The following FCAMR variants were observed in gnomAD, a reference collection of about 807,000 sequenced individuals.
FCAMR encodes high affinity immunoglobulin alpha and immunoglobulin mu Fc receptor.
In FCAMR, 51 loss-of-function variants were observed where a neutral mutation model predicts 52.2. That is an observed-to-expected ratio of 0.98 (90% confidence interval 0.78 to 1.23). FCAMR has a LOEUF of 1.23. Ranked by LOEUF, FCAMR falls within the 50% of genes most tolerant of loss-of-function variation. The pLI, the probability that FCAMR is intolerant of heterozygous loss-of-function variation, is 0.00. For missense variants in FCAMR, 719 were observed against 712.6 expected (o/e 1.01, Z -0.10); for synonymous variants, 282 against 262.0 (o/e 1.08, Z -0.74).
intron 1 of FCAMR, 127 bp from the exon 2 acceptor site, chr1:206,967,778 A>G: frequency 1.2e-6 from 1 of 807,998 alleles, no homozygotes; most frequent in Non-Finnish European, 2.0e-6. Context: ...CTAGGGTGCT[A>G]TTCTGTTTCT....
chr1:206,962,130 C>T, intron 5 of FCAMR, 83 bp downstream of exon 5: 1 of 1,385,144 alleles, frequency 7.2e-7, no homozygotes, highest in Non-Finnish European at 1.0e-6. Flanking sequence ...TCAAGCCCTT[C>T]TGGGTCTCTG....
chr1:206,962,063 C>G, intron 5 of FCAMR, 150 bp downstream of exon 5: 1 of 782,422 alleles, frequency 1.3e-6, no homozygotes, highest in Non-Finnish European at 2.0e-6. Context: ...GAAATGAAAG[C>G]CTACTTCTTA....
intron 7 of FCAMR, 72 bp downstream of exon 7, chr1:206,959,607 C>T: frequency 8.1e-7 from 1 of 1,238,996 alleles, no homozygotes. Context: ...AGGACTCTAC[C>T]CCTACCCAGC....
Position 206,965,874 on chromosome 1 carries a change from G to T in FCAMR, c.170-16C>A. The T allele has an allele frequency of 6.2e-7, 1 of 1,608,388 alleles. No individual in the cohort carries two copies. Among genetic ancestry groups the T allele is most frequent in the Admixed American group, 1.7e-5 (1 of 59,176 alleles). ...AAAGAAGAACCTGCAGCAAAGGAAG[G>T]AGATGGGTCATCAGGGGGCCATCCA... is the stretch of plus-strand genomic sequence containing the variant. On this transcript the variant is annotated splice_polypyrimidine_tract_variant and intron_variant, in intron 3 of 7. Transcript: ENST00000324852.
chr1:206,967,689 A>G lies in FCAMR; in HGVS notation c.40-38T>C, dbSNP rs1680770302. 3.7e-6 allele frequency: 6 copies of G among 1,600,490 alleles called. No homozygotes were observed. The African/African-American group carries it at 6.7e-5, about 18-fold the overall frequency. On this transcript the variant is annotated intron_variant, in intron 1 of 7. Coordinates refer to ENST00000324852, the MANE Select transcript of FCAMR (RefSeq NM_001170631.2). The stretch of plus-strand genomic sequence containing the variant: ...GGGGAATTGGTTTTTTCAAGGGAAG[A>G]TTTCTGTTTCACTGTTAGTATGCCT...
At chr1:206,961,704 A>G (rs1680514858) in intron 5 of FCAMR, among the ~76,000 whole-genome samples, 1 of 152,180 alleles carries the variant, frequency 6.6e-6, no homozygotes, top group South Asian at 2.1e-4. Flanking sequence ...GGCCCTTCCT[A>G]TGCTCTGGGT....
In FCAMR at chr1:206,970,403, G is replaced by C; in HGVS notation, c.-278C>G. ...ACTTATTCCTGAAGAACTTTTCCAGGAGTGGTAACAGTAGCTTCAAAAAAG... is the reference window on the plus strand; with the variant it reads ...ACTTATTCCTGAAGAACTTTTCCAGCAGTGGTAACAGTAGCTTCAAAAAAG... On this transcript the variant is annotated 5_prime_UTR_variant, in exon 1 of 8. Transcript: ENST00000324852. The C allele has an allele frequency of 4.9e-6, 2 of 406,748 alleles. No individual in the cohort carries two copies. Among genetic ancestry groups the C allele is most frequent in the South Asian group, 7.3e-5 (2 of 27,450 alleles). 25.2% of individuals were successfully genotyped at this position (406,748 alleles called of 1,614,324 possible). A position where few individuals can be genotyped will look rare whatever the true frequency, so the allele number is the denominator to read the frequency against.
chr1:206,969,442 G>C (rs1017175227), intron 1 of FCAMR: 1 of 377,168 alleles, frequency 2.7e-6, no homozygotes, highest in Non-Finnish European at 5.4e-6. Context: ...AGGAGACAGG[G>C]GGCCATAATT....
intron 4 of FCAMR, among the ~76,000 whole-genome samples, chr1:206,962,980 A>G (rs1680569724): frequency 6.6e-6 from 1 of 152,248 alleles, no homozygotes; most frequent in Admixed American, 6.5e-5. Flanking sequence ...ATTAAATGGT[A>G]ATCTATCATC....
chr1:206,965,748 G>T lies in FCAMR; in HGVS notation c.280C>A (p.Pro94Thr). 6.3e-7 allele frequency: 1 copy of T among 1,580,412 alleles called. No individual in the cohort carries two copies. Among genetic ancestry groups the T allele is most frequent in the Non-Finnish European group, 8.6e-7 (1 of 1,167,730 alleles). Residue 94 changes from proline (P) to threonine (T), a missense_variant, in exon 4 of 8, where the codon CCC becomes ACC. Coordinates refer to ENST00000324852, the MANE Select transcript of FCAMR (RefSeq NM_001170631.2). Reference sequence around the variant, plus strand: ...GAGCTCTCCTCCCGCCAGCAGAGGGGCGAGGAAGGCCTGAGTGTTCCCATG... The same window carrying T: ...GAGCTCTCCTCCCGCCAGCAGAGGGTCGAGGAAGGCCTGAGTGTTCCCATG... The part of the protein sequence containing the change: ...RAMGTLRPSS[P>T]LCWREESSFA...
rs1206679622 is a variant in FCAMR at position 206,958,247 on chromosome 1, T to C, written c.*269A>G. 2.8e-6 allele frequency: 1 copy of C among 356,320 alleles called. No homozygotes were observed. Among genetic ancestry groups the C allele is most frequent in the African/African-American group, 2.1e-5 (1 of 47,644 alleles). The allele number at this position is 356,320 out of a possible 1,614,324, so 22.1% of individuals were successfully genotyped here. A position where few individuals can be genotyped will look rare whatever the true frequency, so the allele number is the denominator to read the frequency against. ...ATTTTCAAACATTCAGGAATGGAAATTTCATGCTTTTCCTAGGTGACCTCT... is the reference window on the plus strand; with the variant it reads ...ATTTTCAAACATTCAGGAATGGAAACTTCATGCTTTTCCTAGGTGACCTCT... On this transcript the variant is annotated 3_prime_UTR_variant, in exon 8 of 8. Coordinates refer to ENST00000324852, the MANE Select transcript of FCAMR (RefSeq NM_001170631.2).
At position 206,962,285 on chromosome 1, in the gene FCAMR, C is replaced by T. The variant is rs367804054; in HGVS notation, c.580G>A (p.Gly194Arg). 24 of 1,614,036 alleles carry T rather than the reference C, an allele frequency of 1.5e-5. No individual in the cohort carries two copies. The highest frequency in any genetic ancestry group is 3.3e-5 in the Admixed American group (2 of 60,010). ...RLSQLSPDDI[G>R]CYLCGIGSEN... ...CTTCCAATGCCGCAGAGGTAGCATC[C>T]GATGTCATCCGGGGACAGTTGGGAC... The change falls in exon 5 of 8, where the codon GGA becomes AGA. Residue 194 changes from glycine (G) to arginine (R), a missense_variant. Physicochemically the swap from Gly to Arg is moderately radical, Grantham distance 125 (BLOSUM62 -2). Coordinates refer to ENST00000324852, the MANE Select transcript of FCAMR (RefSeq NM_001170631.2).
In FCAMR at chr1:206,962,371, C is replaced by A. The variant is rs561968221; in HGVS notation, c.494G>T (p.Arg165Leu). The change falls in exon 5 of 8, where the codon CGC becomes CTC. Residue 165 changes from arginine (R) to leucine (L), a missense_variant. Transcript: ENST00000324852. ...IVSTNQYTHHRYRDRVALTDF... is the reference protein window; with the variant it reads ...IVSTNQYTHHLYRDRVALTDF... ...TGTGAGGGCCACACGGTCACGATAGCGATGGTGAGTATACTGGTTGGTGGA... is the reference window on the plus strand; with the variant it reads ...TGTGAGGGCCACACGGTCACGATAGAGATGGTGAGTATACTGGTTGGTGGA... The A allele has an allele frequency of 1.9e-6, 3 of 1,614,160 alleles. No homozygotes were observed. Among genetic ancestry groups the A allele is most frequent in the Non-Finnish European group, 2.5e-6 (3 of 1,180,026 alleles).
intron 7 of FCAMR, 122 bp from the exon 8 acceptor site, chr1:206,958,798 G>T: frequency 7.5e-7 from 1 of 1,337,592 alleles, no homozygotes; most frequent in Non-Finnish European, 1.1e-6. Flanking sequence ...AAGCAATGGA[G>T]CCCTAGTTGG....
In FCAMR at chr1:206,962,484, G is replaced by A. The variant is rs748160527; in HGVS notation, c.381C>T (p.Cys127=). The change falls in exon 5 of 8, where the codon TGC becomes TGT. Residue 127 remains cysteine (C), a synonymous_variant. Transcript: ENST00000324852. Reference sequence around the variant, plus strand: ...TGTTGACAGATGAGGGGGCATAATGGCACTGGATGGTGACAGCTCCTCCAG... The same window carrying A: ...TGTTGACAGATGAGGGGGCATAATGACACTGGATGGTGACAGCTCCTCCAG... The part of the protein sequence containing the change: ...GEPGGAVTIQ[C]HYAPSSVNRH... 2.5e-6 allele frequency: 4 copies of A among 1,609,766 alleles called. No individual in the cohort carries two copies. The highest frequency in any genetic ancestry group is 2.2e-5 in the East Asian group (1 of 44,752).
At chr1:206,961,316 T>A in intron 5 of FCAMR, 93 bp from the exon 6 acceptor site, 1 of 1,022,124 alleles carries the variant, frequency 9.8e-7, no homozygotes, top group Non-Finnish European at 1.4e-6. Context: ...GTCTGCTAAG[T>A]GGAATGCAAC....
chr1:206,967,208 G>C lies in FCAMR; in HGVS notation c.109-96C>G. 3 of 1,301,890 alleles carry C rather than the reference G, an allele frequency of 2.3e-6. No homozygotes were observed. In the South Asian group the frequency reaches 3.8e-5, roughly 16 times the overall value. The allele number at this position is 1,301,890 out of a possible 1,614,324, so 80.6% of individuals were successfully genotyped here. A position where few individuals can be genotyped will look rare whatever the true frequency, so the allele number is the denominator to read the frequency against. On this transcript the variant is annotated intron_variant, in intron 2 of 7. Coordinates refer to ENST00000324852, the MANE Select transcript of FCAMR (RefSeq NM_001170631.2). Reference sequence around the variant, plus strand: ...AAGCATCTTCTCACTTTGGGATCTCGGTTTGCTCAGTGCAGGGGCTGGGTT... The same window carrying C: ...AAGCATCTTCTCACTTTGGGATCTCCGTTTGCTCAGTGCAGGGGCTGGGTT...
At chr1:206,965,997 C>CAGGAGGGCAGGCAGCTCTTA in intron 3 of FCAMR, 139 bp from the exon 4 acceptor site, 1 of 1,119,300 alleles carries the variant, frequency 8.9e-7, no homozygotes, top group Non-Finnish European at 1.3e-6. Context: ...GTAAGAGCTG[C>CAGGAGGGCAGGCAGCTCTTA]CTGCCCTCCT....
intron 2 of FCAMR, 60 bp from the exon 3 acceptor site, chr1:206,967,172 C>A (rs2102268618): frequency 6.5e-7 from 1 of 1,549,262 alleles, no homozygotes; most frequent in Middle Eastern, 1.7e-4. Flanking sequence ...GGTGGTGGGA[C>A]TTGAGAGAAC....
Sources: gnomAD v4.1 joint callset for allele counts (sites outside exome capture counted in the v4.1 genomes callset) on GRCh38, gnomAD v4.1.1 for gene constraint, MANE v1.5 for transcripts, NCBI Gene and HGNC (gene_info 2026-07-23, HGNC 2026-07-21) for gene names.